ACVR1B: variants seen among roughly 807,000 people sequenced by gnomAD.
ACVR1B encodes activin A receptor type 1B.
In ACVR1B, 15 loss-of-function variants were observed where a neutral mutation model predicts 55.6. The observed-to-expected ratio is 0.27, with a 90% CI of 0.18 to 0.42. ACVR1B has a LOEUF of 0.42. Ranked by LOEUF, ACVR1B falls within the 10% of genes least tolerant of loss-of-function variation. ACVR1B has a pLI of 1.00. For missense variants in ACVR1B, 359 were observed against 670.1 expected (o/e 0.54, Z 5.13); for synonymous variants, 247 against 254.6 (o/e 0.97, Z 0.28).
intron 1 of ACVR1B, among the ~76,000 whole-genome samples, chr12:51,962,749 GTCTTTC>G (rs1367664830): frequency 1.3e-5 from 2 of 152,138 alleles, no homozygotes; most frequent in East Asian, 3.8e-4. Context: ...ATTAACAATT[GTCTTTC>G]TTTTTAAGAC....
At position 51,978,827 on chromosome 12, in the gene ACVR1B, C is replaced by A. The variant is rs1473712267; in HGVS notation, c.581-2142C>A. Among the ~76,000 whole-genome samples the A allele has an allele frequency of 4.7e-5, 5 of 106,826 alleles. No homozygotes were observed. In the South Asian group the frequency reaches 1.2e-3, roughly 26 times the overall value. The allele number at this position is 106,826 out of a possible 152,430, so 70.1% of individuals were successfully genotyped here. ...CCTGGGCAACAGAGCGAGACTCCGT[C>A]TCAAAAAAAAAAAAAAAAAAAAGGC... On this transcript the variant is annotated intron_variant, in intron 3 of 8. Transcript: ENST00000257963.
Position 51,985,965 on chromosome 12 carries a change from A to G in ACVR1B, c.1136+617A>G, listed in dbSNP as rs528264478. ...TTTAATTAAGATTATCCCCTGATTT[A>G]TTGTGGGGGCTGGGGTGGCTGGAAT... On this transcript the variant is annotated intron_variant, in intron 6 of 8. Transcript: ENST00000257963. Among the ~76,000 whole-genome samples the G allele has an allele frequency of 3.9e-5, 6 of 152,308 alleles. No individual in the cohort carries two copies. In the South Asian group the frequency reaches 1.0e-3, roughly 26 times the overall value.
chr12:51,992,502 T>C (rs1942211991), intron 8 of ACVR1B, among the ~76,000 whole-genome samples: 1 of 151,990 alleles, frequency 6.6e-6, no homozygotes, highest in South Asian at 2.1e-4. Flanking sequence ...CCCTGTCTCA[T>C]AAAAGAAAAA....
intron 8 of ACVR1B, among the ~76,000 whole-genome samples, chr12:51,993,181 AC>A (rs1439615304): frequency 2.2e-4 from 33 of 152,356 alleles, no homozygotes; most frequent in South Asian, 8.3e-4. Context: ...TTTCAGGTGT[AC>A]AGTATTGTTG....
At chr12:51,953,121 C>T (rs1941341840) in intron 1 of ACVR1B, among the ~76,000 whole-genome samples, 1 of 152,150 alleles carries the variant, frequency 6.6e-6, no homozygotes, top group Non-Finnish European at 1.5e-5. Flanking sequence ...GTATTCGCTC[C>T]TGACGTACAA....
intron 3 of ACVR1B, among the ~76,000 whole-genome samples, chr12:51,976,836 G>T (rs1195925897): frequency 6.6e-6 from 1 of 152,146 alleles, no homozygotes. Flanking sequence ...TCTAAGCTTT[G>T]CAACTGTACG....
At chr12:51,986,280 T>G (rs769454046) in intron 6 of ACVR1B, among the ~76,000 whole-genome samples, 36 of 152,198 alleles carry the variant, frequency 2.4e-4, no homozygotes, top group Admixed American at 2.6e-4. Flanking sequence ...TTTTTTGATA[T>G]GGAGTTTCGC....
At chr12:51,976,724 CTGACG>C (rs1336756315) in intron 3 of ACVR1B, 149 bp downstream of exon 3, 17 of 1,012,188 alleles carry the variant, frequency 1.7e-5, no homozygotes, top group Middle Eastern at 6.6e-4. Context: ...CTTTTGGAGT[CTGACG>C]TGTAATAAGA....
At chr12:51,953,375 G>C in intron 1 of ACVR1B, 1 of 985,346 alleles carries the variant, frequency 1.0e-6, no homozygotes, top group Non-Finnish European at 1.2e-6. Context: ...CTTTGTTCAC[G>C]GGCTAATGCT....
In ACVR1B at chr12:51,994,325, A is replaced by G. The variant is rs1942257532; in HGVS notation, c.*215A>G. The G allele has an allele frequency of 1.8e-6, 1 of 546,586 alleles. No individual in the cohort carries two copies. The highest frequency in any genetic ancestry group is 3.4e-5 in the East Asian group (1 of 29,102). The allele number at this position is 546,586 out of a possible 1,614,324, so 33.9% of individuals were successfully genotyped here. A position where few individuals can be genotyped will look rare whatever the true frequency, so the allele number is the denominator to read the frequency against. ...CTATTTACCTCCTAATGGCATGGAG[A>G]CTCTGAGAGCGAATTGTGTGGAGAA... On this transcript the variant is annotated 3_prime_UTR_variant, in exon 9 of 9. Coordinates refer to ENST00000257963, the MANE Select transcript of ACVR1B (RefSeq NM_004302.5). The surrounding 1 kb of genome is among the most constrained non-coding windows in gnomAD (Gnocchi z 4.2).
intron 1 of ACVR1B, 77 bp downstream of exon 1, chr12:51,951,911 G>T (rs1451372791): frequency 1.1e-6 from 1 of 922,012 alleles, no homozygotes; most frequent in South Asian, 5.4e-5. Context: ...GCGGCCGCTG[G>T]ACTACAGCGC....
chr12:51,979,465 T>TC (rs1388714058), intron 3 of ACVR1B, among the ~76,000 whole-genome samples: 8 of 17,936 alleles, frequency 4.5e-4, no homozygotes, highest in Non-Finnish European at 1.0e-3. Context: ...AGACACCATC[T>TC]CAAAAAAAAA....
rs1942099155 is a variant in ACVR1B at position 51,987,298 on chromosome 12, G to A, written c.1261+356G>A. The A allele has an allele frequency of 1.2e-5, 7 of 577,132 alleles. No individual in the cohort carries two copies. The South Asian group carries it at 1.4e-4, about 11-fold the overall frequency. 35.8% of individuals were successfully genotyped at this position (577,132 alleles called of 1,614,324 possible). On this transcript the variant is annotated intron_variant, in intron 7 of 8. Coordinates refer to ENST00000257963, the MANE Select transcript of ACVR1B (RefSeq NM_004302.5). ...CACATCAGAAGCAGTATATTCTAAC[G>A]CGGTGGCTCCCAAGCCACATTCATG...
intron 1 of ACVR1B, among the ~76,000 whole-genome samples, chr12:51,963,700 A>G (rs1382006385): frequency 3.9e-5 from 6 of 152,204 alleles, no homozygotes; most frequent in Admixed American, 2.0e-4. Flanking sequence ...TTTGATGGAC[A>G]TTTGGGTGGT....
At chr12:51,993,709 G>T (rs1462060720) in intron 8 of ACVR1B, among the ~76,000 whole-genome samples, 1 of 145,050 alleles carries the variant, frequency 6.9e-6, no homozygotes, top group Non-Finnish European at 1.5e-5. Context: ...GGAGGTTGCG[G>T]TGAGCCAAGA....
intron 8 of ACVR1B, among the ~76,000 whole-genome samples, chr12:51,993,292 C>CTGCATTTCAGAACAGAATTGCA (rs1309817377): frequency 6.6e-6 from 1 of 152,230 alleles, no homozygotes; most frequent in African/African-American, 2.4e-5. Flanking sequence ...GAGGGCATTT[C>CTGCATTTCAGAACAGAATTGCA]TGCATTTCAG....
chr12:51,974,948 G>A (rs1477702546), intron 1 of ACVR1B, among the ~76,000 whole-genome samples: 1 of 152,162 alleles, frequency 6.6e-6, no homozygotes, highest in African/African-American at 2.4e-5. Flanking sequence ...CATGAAGTGG[G>A]GGGCAGCCCC....
At chr12:51,964,672 T>A (rs114297511) in intron 1 of ACVR1B, among the ~76,000 whole-genome samples, 1 of 152,242 alleles carries the variant, frequency 6.6e-6, no homozygotes, top group Non-Finnish European at 1.5e-5. Flanking sequence ...GACTTCATTC[T>A]TTCGCATGTG....
chr12:51,976,261 G>T, intron 2 of ACVR1B, 66 bp from the exon 3 acceptor site: 1 of 1,575,816 alleles, frequency 6.3e-7, no homozygotes, highest in South Asian at 1.1e-5. Flanking sequence ...CTTTGAGGGG[G>T]GTGTTTTTAC....
Sources: gnomAD v4.1 joint callset for allele counts (sites outside exome capture counted in the v4.1 genomes callset) on GRCh38, gnomAD v4.1.1 for gene constraint, Gnocchi (gnomAD v3.1) non-coding constraint, MANE v1.5 for transcripts, NCBI Gene and HGNC (gene_info 2026-07-23, HGNC 2026-07-21) for gene names.